The following SFXN1 variants were observed in gnomAD, a reference collection of about 807,000 sequenced individuals.
SFXN1 encodes the protein sideroflexin 1, also known as sideroflexin-1.
In SFXN1, 32 loss-of-function variants were observed where a neutral mutation model predicts 39.5. The ratio of observed to expected loss-of-function variants is 0.81; its 90% CI spans 0.61 to 1.09. The LOEUF is 1.09. SFXN1 is among the 50% of genes least tolerant of loss of function. SFXN1 has a pLI of 0.00. For missense variants in SFXN1, 402 were observed against 407.1 expected, an observed-to-expected ratio of 0.99 and a Z score of 0.11; for synonymous variants, 136 against 146.5, an observed-to-expected ratio of 0.93 and a Z score of 0.52.
At chr5:175,515,191 A>G (rs1027064505) in intron 7 of SFXN1, among the ~76,000 whole-genome samples, 1 of 152,034 alleles carries the variant, frequency 6.6e-6, no homozygotes, top group Non-Finnish European at 1.5e-5. Context: ...TGATTTTTGT[A>G]TATTTTGTAG....
chr5:175,507,745 C>T (rs1307473712), intron 2 of SFXN1, among the ~76,000 whole-genome samples: 1 of 152,104 alleles, frequency 6.6e-6, no homozygotes, highest in Non-Finnish European at 1.5e-5. Context: ...CCATGGCAGG[C>T]AGATCGCCTA....
At chr5:175,516,151 G>T (rs1011517423) in intron 7 of SFXN1, among the ~76,000 whole-genome samples, 1 of 152,096 alleles carries the variant, frequency 6.6e-6, no homozygotes, top group Admixed American at 6.5e-5. Context: ...CTGCTGGGCA[G>T]CCCTATTCCT....
intron 2 of SFXN1, among the ~76,000 whole-genome samples, chr5:175,501,225 C>A (rs575847151): frequency 1.3e-5 from 2 of 151,974 alleles, no homozygotes; most frequent in Admixed American, 6.5e-5. Flanking sequence ...CGTGCCACCA[C>A]GCCCAGCTAA....
intron 2 of SFXN1, 165 bp downstream of exon 2, chr5:175,492,432 C>A: frequency 1.6e-6 from 1 of 607,624 alleles, no homozygotes; most frequent in Non-Finnish European, 2.7e-6. Flanking sequence ...CCTGTTATAT[C>A]CCCCATTGCT....
Position 175,528,123 on chromosome 5 carries a change from G to GTGTTAGCCAGGA in SFXN1, c.*1391_*1392insTTAGCCAGGATG, listed in dbSNP as rs1554102982. 3 of 151,756 alleles carry GTGTTAGCCAGGA rather than the reference G, an allele frequency of 2.0e-5. No homozygotes were observed. Among genetic ancestry groups the GTGTTAGCCAGGA allele is most frequent in the East Asian group, 1.9e-4 (1 of 5,172 alleles). 9.4% of individuals were successfully genotyped at this position (151,756 alleles called of 1,614,324 possible). A position where few individuals can be genotyped will look rare whatever the true frequency, so the allele number is the denominator to read the frequency against. ...TTTTTAGTAGAGACGGGGTTTCACT[G>GTGTTAGCCAGGA]TGGTCTCGATCTCCTGACCTCGTGA... On this transcript the variant is annotated 3_prime_UTR_variant, in exon 11 of 11. Transcript: ENST00000321442.
At chr5:175,486,132 T>C (rs1483624337) in intron 1 of SFXN1, among the ~76,000 whole-genome samples, 1 of 152,170 alleles carries the variant, frequency 6.6e-6, no homozygotes, top group Non-Finnish European at 1.5e-5. Context: ...CTTAAGGTTA[T>C]TGTAGTATAG....
intron 1 of SFXN1, among the ~76,000 whole-genome samples, chr5:175,488,142 T>G (rs1267489512): frequency 6.6e-6 from 1 of 152,080 alleles, no homozygotes; most frequent in Non-Finnish European, 1.5e-5. Flanking sequence ...TCCCATTTGT[T>G]GCAGAGTGAA....
chr5:175,508,222 A>ATTTTTTTTTTT (rs67028708), intron 2 of SFXN1, among the ~76,000 whole-genome samples: 1 of 63,908 alleles, frequency 1.6e-5, no homozygotes, highest in African/African-American at 6.0e-5. Flanking sequence ...AATAGATTTG[A>ATTTTTTTTTTT]TTTTTTTTTT....
At chr5:175,480,921 G>A (rs115063509) in intron 1 of SFXN1, among the ~76,000 whole-genome samples, 2,471 of 152,212 alleles carry the variant, frequency 0.016, 48 homozygotes, top group African/African-American at 0.054. Context: ...TTAAAAAGGG[G>A]GGAACAAAGG....
intron 10 of SFXN1, among the ~76,000 whole-genome samples, chr5:175,524,701 C>CA: frequency 6.7e-6 from 1 of 148,586 alleles, no homozygotes; most frequent in Non-Finnish European, 1.5e-5. Context: ...AAATAAATAA[C>CA]AGAAAGAGTA....
At position 175,526,678 on chromosome 5, in the gene SFXN1, A is replaced by T. The variant is rs1331235072; in HGVS notation, c.913A>T (p.Lys305Ter). 2.5e-6 allele frequency: 4 copies of T among 1,614,214 alleles called. No homozygotes were observed. The highest frequency in any genetic ancestry group is 3.4e-6 in the Non-Finnish European group (4 of 1,180,030). ...VTSLEAELQA[K>*]IQESHPELRR... Reference sequence around the variant, plus strand: ...AAGCTTGGAGGCCGAGTTGCAAGCTAAGATCCAAGAGAGCCATCCTGAATT... The same window carrying T: ...AAGCTTGGAGGCCGAGTTGCAAGCTTAGATCCAAGAGAGCCATCCTGAATT... The change falls in exon 11 of 11, where the codon AAG becomes TAG. Residue 305 changes from lysine (K) to a stop codon, truncating the protein, a stop_gained. Coordinates refer to ENST00000321442, the MANE Select transcript of SFXN1 (RefSeq NM_022754.7). LOFTEE classifies it high-confidence loss of function.
In SFXN1 at chr5:175,521,903, T is replaced by G. The variant is rs769036478; in HGVS notation, c.775-16T>G. The G allele has an allele frequency of 4.6e-5, 73 of 1,588,370 alleles. No individual in the cohort carries two copies. The highest frequency in any genetic ancestry group is 5.8e-5 in the Non-Finnish European group (68 of 1,162,462). ...CTGTATAAAAAGTATTCAAAGCCATTTATTTCTCAACACAGAGGTTCCCAT... is the reference window on the plus strand; with the variant it reads ...CTGTATAAAAAGTATTCAAAGCCATGTATTTCTCAACACAGAGGTTCCCAT... On this transcript the variant is annotated splice_polypyrimidine_tract_variant and intron_variant, in intron 8 of 10. Transcript: ENST00000321442.
In SFXN1 at chr5:175,513,563, A is replaced by G; in HGVS notation, c.697A>G (p.Arg233Gly). 6.2e-7 allele frequency: 1 copy of G among 1,613,912 alleles called. No homozygotes were observed. Residue 233 changes from arginine (R) to glycine (G), a missense_variant, in exon 7 of 11, where the codon AGG becomes GGG. By Grantham distance (125) the Arg-to-Gly change is moderately radical. Transcript: ENST00000321442. ...AGCCATCACGCAAGTTGTCGTGTCC[A>G]GGATTCTCATGGCAGCCCCTGGCAT... ...KQAITQVVVS[R>G]ILMAAPGMAI...
At chr5:175,524,848 T>G (rs935213368) in intron 10 of SFXN1, among the ~76,000 whole-genome samples, 7 of 152,124 alleles carry the variant, frequency 4.6e-5, no homozygotes, top group African/African-American at 1.4e-4. Flanking sequence ...AACTGTAGGT[T>G]CAGCAGTGAT....
At chr5:175,507,578 TC>T (rs1206379742) in intron 2 of SFXN1, among the ~76,000 whole-genome samples, 1 of 152,208 alleles carries the variant, frequency 6.6e-6, no homozygotes, top group Admixed American at 6.5e-5. Flanking sequence ...TTTTAATTGC[TC>T]TAATGGATTC....
At chr5:175,490,796 T>G (rs1239190337) in intron 1 of SFXN1, among the ~76,000 whole-genome samples, 2 of 152,062 alleles carry the variant, frequency 1.3e-5, no homozygotes, top group African/African-American at 4.8e-5. Flanking sequence ...ACATTAAAGG[T>G]GTAGTTATAT....
At chr5:175,492,071 A>G (rs1759673841) in intron 1 of SFXN1, 24 bp from the exon 2 acceptor site, 1 of 1,586,116 alleles carries the variant, frequency 6.3e-7, no homozygotes. Context: ...CCTTACACGA[A>G]CTTGCCTTTT....
intron 2 of SFXN1, among the ~76,000 whole-genome samples, chr5:175,504,660 C>A (rs917095900): frequency 6.6e-6 from 1 of 151,642 alleles, no homozygotes; most frequent in Non-Finnish European, 1.5e-5. Context: ...ATAATAGACA[C>A]AATGGTAGTT....
intron 1 of SFXN1, among the ~76,000 whole-genome samples, chr5:175,484,661 G>A (rs1295133399): frequency 3.9e-5 from 6 of 152,368 alleles, no homozygotes; most frequent in East Asian, 1.9e-4. Flanking sequence ...CACAGGGCGC[G>A]TCTCGGCGCA....
Sources: allele counts gnomAD v4.1 joint callset (sites outside exome capture counted in the v4.1 genomes callset), GRCh38; gene constraint gnomAD v4.1.1; transcripts MANE v1.5; gene names NCBI Gene and HGNC (gene_info 2026-07-23, HGNC 2026-07-21).